The following NRXN3 variants were observed in gnomAD, a reference collection of about 807,000 sequenced individuals.
NRXN3 encodes the protein neurexin III.
In NRXN3, 32 loss-of-function variants were observed where a neutral mutation model predicts 137.6. That is an observed-to-expected ratio of 0.23 (90% CI 0.18 to 0.31). The LOEUF (loss-of-function observed/expected upper bound fraction) is 0.31. Ranked by LOEUF, NRXN3 falls within the 10% of genes least tolerant of loss-of-function variation. NRXN3 has a pLI of 1.00. For missense variants in NRXN3, 1,574 were observed against 2,062.5 expected (o/e 0.76, Z 4.59); for synonymous variants, 798 against 784.5 (o/e 1.02, Z -0.29).
chr14:79,379,925 C>T (rs1308322051), intron 15 of NRXN3, among the ~76,000 whole-genome samples: 2 of 151,702 alleles, frequency 1.3e-5, no homozygotes, highest in Admixed American at 6.6e-5. Context: ...ATACGAAGTA[C>T]ATTCTCTTGG....
At chr14:79,664,937 C>T (rs2098550878) in intron 17 of NRXN3, among the ~76,000 whole-genome samples, 1 of 152,148 alleles carries the variant, frequency 6.6e-6, no homozygotes, top group South Asian at 2.1e-4. Flanking sequence ...CACCACTTTT[C>T]TCTAACTTCC....
At chr14:79,257,721 G>A (rs78900214) in intron 15 of NRXN3, among the ~76,000 whole-genome samples, 6,755 of 151,048 alleles carry the variant, frequency 0.045, 411 homozygotes, top group African/African-American at 0.13. Context: ...AGACCAGAGG[G>A]AAAAAAATGA....
At position 79,351,337 on chromosome 14, in the gene NRXN3, G is replaced by A. The variant is rs75574409; in HGVS notation, c.3263-115884G>A. Among the ~76,000 whole-genome samples the A allele has an allele frequency of 3.1e-4, 47 of 152,226 alleles. 1 individual carries two copies. In the East Asian group the frequency reaches 8.7e-3, roughly 28 times the overall value. On this transcript the variant is annotated intron_variant, in intron 15 of 20. Transcript: ENST00000335750. ...GTATAATCTTGGACAAATCATGACC[G>A]CAGGAGTCTTCATTTTATCATCTAT...
At chr14:78,792,760 A>G (rs1386654970) in intron 8 of NRXN3, among the ~76,000 whole-genome samples, 1 of 152,196 alleles carries the variant, frequency 6.6e-6, no homozygotes, top group Non-Finnish European at 1.5e-5. Flanking sequence ...TACACAAAAC[A>G]ATGTCTATAA....
At chr14:78,888,804 A>G (rs1005226417) in intron 10 of NRXN3, among the ~76,000 whole-genome samples, 19 of 150,772 alleles carry the variant, frequency 1.3e-4, no homozygotes, top group Middle Eastern at 3.4e-3. Context: ...GATGACAGAT[A>G]CCTGTGGGGA....
chr14:79,553,010 A>G (rs2097391240), intron 16 of NRXN3, among the ~76,000 whole-genome samples: 1 of 152,080 alleles, frequency 6.6e-6, no homozygotes, highest in Non-Finnish European at 1.5e-5. Context: ...TTCTGGTGAG[A>G]GAACTTCAGA....
chr14:78,200,854 G>C (rs562838975), intron 1 of NRXN3, among the ~76,000 whole-genome samples: 1 of 152,234 alleles, frequency 6.6e-6, no homozygotes, highest in East Asian at 1.9e-4. Context: ...TTGATCATGG[G>C]GTTTGGCAGG....
At chr14:79,605,211 A>G (rs1046510617) in intron 16 of NRXN3, among the ~76,000 whole-genome samples, 26 of 152,308 alleles carry the variant, frequency 1.7e-4, no homozygotes, top group African/African-American at 6.0e-4. Flanking sequence ...GGAGGGCTTC[A>G]GGCCACTGCT....
At chr14:78,437,014 A>G (rs1250510674) in intron 4 of NRXN3, among the ~76,000 whole-genome samples, 1 of 152,224 alleles carries the variant, frequency 6.6e-6, no homozygotes, top group Non-Finnish European at 1.5e-5. Context: ...AGCCTTCAGC[A>G]AGTTGCTTAT....
intron 16 of NRXN3, among the ~76,000 whole-genome samples, chr14:79,486,526 A>C (rs555773941): frequency 6.6e-6 from 1 of 152,286 alleles, no homozygotes; most frequent in Admixed American, 6.5e-5. Flanking sequence ...AAACGGAGCC[A>C]CCACCCTCAG....
At chr14:79,787,168 G>A (rs569897674) in intron 19 of NRXN3, among the ~76,000 whole-genome samples, 6 of 152,278 alleles carry the variant, frequency 3.9e-5, no homozygotes, top group African/African-American at 1.4e-4. Context: ...AACATTAGTT[G>A]TTTATGGACT....
intron 1 of NRXN3, among the ~76,000 whole-genome samples, chr14:78,206,341 T>A (rs1417869038): frequency 6.6e-6 from 1 of 152,084 alleles, no homozygotes; most frequent in Admixed American, 6.5e-5. Flanking sequence ...TCCCATGAAA[T>A]GGTGTTCGTG....
At chr14:79,565,347 G>GTGTGTATATATATA (rs1491496752) in intron 16 of NRXN3, among the ~76,000 whole-genome samples, 17,036 of 146,474 alleles carry the variant, frequency 0.12, 1,548 homozygotes, top group African/African-American at 0.25. Flanking sequence ...ACATATGTGT[G>GTGTGTATATATATA]CGTATATGTA....
intron 4 of NRXN3, among the ~76,000 whole-genome samples, chr14:78,347,572 T>C: frequency 6.6e-6 from 1 of 152,208 alleles, no homozygotes; most frequent in East Asian, 1.9e-4. Flanking sequence ...TAAGGTGGAA[T>C]ACAAGACATG....
intron 15 of NRXN3, among the ~76,000 whole-genome samples, chr14:78,998,522 G>A (rs968507001): frequency 6.6e-6 from 1 of 152,104 alleles, no homozygotes; most frequent in African/African-American, 2.4e-5. Flanking sequence ...GCTGCGCAAA[G>A]CTAGTTAAAG....
chr14:79,680,810 G>A (rs2098666410), intron 17 of NRXN3, among the ~76,000 whole-genome samples: 1 of 152,118 alleles, frequency 6.6e-6, no homozygotes, highest in Non-Finnish European at 1.5e-5. Flanking sequence ...TCAGCCTGCT[G>A]TTCCTAGAGA....
At chr14:78,593,095 T>C (rs1262006423) in intron 4 of NRXN3, among the ~76,000 whole-genome samples, 1 of 152,200 alleles carries the variant, frequency 6.6e-6, no homozygotes, top group Non-Finnish European at 1.5e-5. Context: ...ACTTTCCTCC[T>C]CGGTGCATGC....
chr14:78,814,008 T>C (rs963998832), intron 10 of NRXN3, among the ~76,000 whole-genome samples: 5 of 152,192 alleles, frequency 3.3e-5, no homozygotes, highest in Non-Finnish European at 7.3e-5. Context: ...TCTTTCCTCA[T>C]GGTATCTATG....
chr14:78,560,297 A>T (rs2096774813), intron 4 of NRXN3, among the ~76,000 whole-genome samples: 1 of 152,154 alleles, frequency 6.6e-6, no homozygotes, highest in South Asian at 2.1e-4. Flanking sequence ...TGACAACTAA[A>T]AATCATGCCA....
Sources: gnomAD v4.1 joint callset for allele counts (sites outside exome capture counted in the v4.1 genomes callset) on GRCh38, gnomAD v4.1.1 for gene constraint, MANE v1.5 for transcripts, NCBI Gene and HGNC (gene_info 2026-07-23, HGNC 2026-07-21) for gene names.